TFB1M: variants seen among roughly 807,000 people sequenced by gnomAD.
TFB1M encodes the protein dimethyladenosine transferase 1, mitochondrial.
TFB1M carries 27 observed loss-of-function variants against 31.1 expected under a neutral mutation model. The ratio of observed to expected loss-of-function variants is 0.87; its 90% CI spans 0.64 to 1.20. TFB1M has a LOEUF of 1.20. Among genes scored for constraint, TFB1M ranks in the 50% most tolerant of loss-of-function variants. The pLI is 0.00. For synonymous variants in TFB1M, 166 were observed against 151.8 expected, an observed-to-expected ratio of 1.09 and a Z score of -0.69; for missense variants, 394 against 418.7, an observed-to-expected ratio of 0.94 and a Z score of 0.51.
Position 155,257,458 on chromosome 6 carries a change from A to ATTT in TFB1M, c.*375_*377dup, listed in dbSNP as rs929352821. ...CGTGATTAATAGTTTTCAAAGGGCC[A>ATTT]TTTTTTAAAATCCTCTGGGCATTTT... On this transcript the variant is annotated 3_prime_UTR_variant, in exon 7 of 7. Coordinates refer to ENST00000367166, the MANE Select transcript of TFB1M (RefSeq NM_016020.4). 3.0e-6 allele frequency: 1 copy of ATTT among 332,770 alleles called. No homozygotes were observed. The highest frequency in any genetic ancestry group is 5.5e-6 in the Non-Finnish European group (1 of 183,172). 20.6% of individuals were successfully genotyped at this position (332,770 alleles called of 1,614,324 possible).
chr6:155,285,582 C>A (rs1467790956), intron 4 of TFB1M, among the ~76,000 whole-genome samples: 1 of 152,174 alleles, frequency 6.6e-6, no homozygotes. Flanking sequence ...GAAGGTCCTA[C>A]ATAAAACAAG....
Position 155,314,431 on chromosome 6 carries a change from T to C in TFB1M, c.-3A>G, listed in dbSNP as rs756336259. On this transcript the variant is annotated 5_prime_UTR_variant, in exon 1 of 7. Coordinates refer to ENST00000367166, the MANE Select transcript of TFB1M (RefSeq NM_016020.4). ...CTGAGTTTTCCGGAGGCAGCCATGA[T>C]ACGCGGCAAGCACCATCCAACCCTA... The C allele has an allele frequency of 6.2e-6, 10 of 1,614,024 alleles. No individual in the cohort carries two copies. The African/African-American group carries it at 8.0e-5, about 13-fold the overall frequency.
chr6:155,291,345 G>T (rs1319529368), intron 4 of TFB1M, among the ~76,000 whole-genome samples: 2 of 152,164 alleles, frequency 1.3e-5, no homozygotes, highest in Non-Finnish European at 2.9e-5. Flanking sequence ...AACAAGAATG[G>T]TTTCTGTCAG....
At chr6:155,241,574 A>G in the TFB1M span, among the ~76,000 whole-genome samples, 4 of 152,118 alleles carry the variant, frequency 2.6e-5, no homozygotes, top group Non-Finnish European at 2.9e-5. Context: ...ACGTGCGGCT[A>G]TTACCTTGCT....
At chr6:155,290,872 T>C (rs1048318495) in intron 4 of TFB1M, among the ~76,000 whole-genome samples, 2 of 152,162 alleles carry the variant, frequency 1.3e-5, no homozygotes, top group East Asian at 1.9e-4. Context: ...GCCCTTGAAA[T>C]TTCCTGAGTA....
At chr6:155,247,604 G>A in the TFB1M span, among the ~76,000 whole-genome samples, 2 of 152,296 alleles carry the variant, frequency 1.3e-5, no homozygotes, top group Non-Finnish European at 2.9e-5. Flanking sequence ...CTGGGATTAC[G>A]GGCGTGAGCC....
At chr6:155,307,519 AC>A (rs1412121289) in intron 2 of TFB1M, among the ~76,000 whole-genome samples, 2 of 151,880 alleles carry the variant, frequency 1.3e-5, no homozygotes, top group Non-Finnish European at 2.9e-5. Flanking sequence ...GGAAAGACCC[AC>A]CCCCATGATT....
the TFB1M span, among the ~76,000 whole-genome samples, chr6:155,247,552 T>A: frequency 6.6e-6 from 1 of 152,200 alleles, no homozygotes. Flanking sequence ...GGTCTCGAAC[T>A]CGTGACCTCA....
At chr6:155,313,648 T>C (rs983274480) in intron 1 of TFB1M, among the ~76,000 whole-genome samples, 1 of 152,182 alleles carries the variant, frequency 6.6e-6, no homozygotes, top group Non-Finnish European at 1.5e-5. Flanking sequence ...AAATTATATC[T>C]CATAAAAAGT....
chr6:155,292,399 G>A (rs926447711), intron 4 of TFB1M, among the ~76,000 whole-genome samples: 8 of 152,178 alleles, frequency 5.3e-5, no homozygotes, highest in Non-Finnish European at 7.3e-5. Context: ...TGATCTGCAG[G>A]TGCCTGAGGC....
At chr6:155,305,664 T>C (rs1432678023) in intron 2 of TFB1M, among the ~76,000 whole-genome samples, 2 of 91,498 alleles carry the variant, frequency 2.2e-5, no homozygotes, top group Non-Finnish European at 3.8e-5. Context: ...TATATTTATA[T>C]ATATAAATAT....
the TFB1M span, among the ~76,000 whole-genome samples, chr6:155,234,175 T>C: frequency 5.3e-5 from 8 of 152,332 alleles, no homozygotes; most frequent in East Asian, 1.5e-3. Context: ...TGCTACAAAC[T>C]GGAAAAAACC....
intron 2 of TFB1M, among the ~76,000 whole-genome samples, chr6:155,306,727 G>A (rs1162706011): frequency 6.6e-6 from 1 of 152,172 alleles, no homozygotes; most frequent in African/African-American, 2.4e-5. Flanking sequence ...GATAAAGGGG[G>A]AAGGAAGGGA....
At chr6:155,284,475 A>T (rs1776531130) in intron 5 of TFB1M, among the ~76,000 whole-genome samples, 1 of 152,178 alleles carries the variant, frequency 6.6e-6, no homozygotes, top group Non-Finnish European at 1.5e-5. Flanking sequence ...TCCCCTTGCT[A>T]CCCAACGCAT....
At chr6:155,254,512 G>A (rs1562377084), downstream of TFB1M, 42 of 1,614,060 alleles carry the variant, frequency 2.6e-5, no homozygotes, top group Non-Finnish European at 3.4e-5. Context: ...TACCACTGGA[G>A]AAAACGTGTA....
chr6:155,287,113 A>G (rs1468270177), intron 4 of TFB1M, among the ~76,000 whole-genome samples: 5 of 152,152 alleles, frequency 3.3e-5, no homozygotes, highest in Admixed American at 2.6e-4. Context: ...TGAAATGAAC[A>G]ATTAAAAAAA....
At chr6:155,277,848 T>C (rs948934743) in intron 5 of TFB1M, among the ~76,000 whole-genome samples, 2 of 152,240 alleles carry the variant, frequency 1.3e-5, no homozygotes, top group African/African-American at 2.4e-5. Context: ...CTAGAACTGC[T>C]TTGATCCCAT....
intron 2 of TFB1M, among the ~76,000 whole-genome samples, chr6:155,305,577 A>T (rs1427727455): frequency 1.6e-5 from 1 of 62,664 alleles, no homozygotes; most frequent in Non-Finnish European, 2.6e-5. Context: ...ATTTATATAT[A>T]TATTAAATTA....
At chr6:155,314,234 C>G (rs1562433619) in intron 1 of TFB1M, 62 bp downstream of exon 1, 2 of 1,597,678 alleles carry the variant, frequency 1.3e-6, no homozygotes, top group Non-Finnish European at 1.7e-6. Flanking sequence ...GTGCAAGACC[C>G]CCCGGCCCAC....
Sources: gnomAD v4.1 joint callset for allele counts (sites outside exome capture counted in the v4.1 genomes callset) on GRCh38, gnomAD v4.1.1 for gene constraint, MANE v1.5 for transcripts, NCBI Gene and HGNC (gene_info 2026-07-23, HGNC 2026-07-21) for gene names.